The following FAIM2 variants were observed in gnomAD, a reference collection of about 807,000 sequenced individuals.
FAIM2 encodes protein lifeguard 2.
In FAIM2, 27 loss-of-function variants were observed where a neutral mutation model predicts 47.4. That is an observed-to-expected ratio of 0.57 (90% CI 0.42 to 0.78). The LOEUF is 0.78. FAIM2 is among the 30% of genes least tolerant of loss of function. The probability of loss-of-function intolerance (pLI) is 0.00; values close to 1 mark genes in which losing one functional copy is unlikely to be tolerated. For missense variants in FAIM2, 311 were observed against 389.4 expected (o/e 0.80, Z 1.69); for synonymous variants, 156 against 159.3 (o/e 0.98, Z 0.16).
chr12:49,896,593 C>A (rs1453975285), intron 5 of FAIM2, among the ~76,000 whole-genome samples: 1 of 152,110 alleles, frequency 6.6e-6, no homozygotes, highest in Non-Finnish European at 1.5e-5. Context: ...GCACACAGAA[C>A]AATACCCAGC....
chr12:49,872,375 GA>G (rs542084535), intron 11 of FAIM2, among the ~76,000 whole-genome samples: 36 of 152,318 alleles, frequency 2.4e-4, no homozygotes, highest in Admixed American at 2.3e-3. Flanking sequence ...GAAGAGTGGG[GA>G]ACTCGGTGAG....
chr12:49,882,137 C>T (rs1208694088), intron 11 of FAIM2, among the ~76,000 whole-genome samples: 2 of 152,234 alleles, frequency 1.3e-5, no homozygotes, highest in Non-Finnish European at 2.9e-5. Context: ...CCAGGGACAC[C>T]TGCATGCAGT....
At chr12:49,902,541 G>A (rs1946988488) in intron 1 of FAIM2, among the ~76,000 whole-genome samples, 2 of 152,262 alleles carry the variant, frequency 1.3e-5, no homozygotes, top group South Asian at 2.1e-4. Context: ...GGGGACAAGG[G>A]GCAGAGGAGG....
chr12:49,898,765 C>T (rs1946960149), intron 2 of FAIM2, among the ~76,000 whole-genome samples: 1 of 152,124 alleles, frequency 6.6e-6, no homozygotes, highest in African/African-American at 2.4e-5. Context: ...TGAGCCCAAG[C>T]AATCCACCTG....
At chr12:49,885,641 T>C (rs1946855763) in intron 11 of FAIM2, among the ~76,000 whole-genome samples, 1 of 152,158 alleles carries the variant, frequency 6.6e-6, no homozygotes, top group Admixed American at 6.5e-5. Flanking sequence ...CTAGGTAGCC[T>C]GGGGTAAGCT....
rs1328112300 is a variant in FAIM2 at position 49,867,760 on chromosome 12, T to G, written c.*2744A>C. On this transcript the variant is annotated 3_prime_UTR_variant, in exon 12 of 12. Transcript: ENST00000320634. ...CTGCTCAGCTGCGGTTTCCTTAATC[T>G]TGCATTCCTGTTCCCCTGCCCTTCC... 6.6e-6 allele frequency: 1 copy of G among 152,448 alleles called. No individual in the cohort carries two copies. Among genetic ancestry groups the G allele is most frequent in the African/African-American group, 2.4e-5 (1 of 41,440 alleles). 9.4% of individuals were successfully genotyped at this position (152,448 alleles called of 1,614,324 possible). A position where few individuals can be genotyped will look rare whatever the true frequency, so the allele number is the denominator to read the frequency against.
At chr12:49,884,696 C>T (rs1000797742) in intron 11 of FAIM2, among the ~76,000 whole-genome samples, 4 of 152,216 alleles carry the variant, frequency 2.6e-5, no homozygotes, top group Admixed American at 2.0e-4. Flanking sequence ...TGTGCCAGGA[C>T]GGGCATGGTC....
At chr12:49,887,295 G>A (rs1376218966) in intron 11 of FAIM2, 91 bp downstream of exon 11, 1 of 1,188,420 alleles carries the variant, frequency 8.4e-7, no homozygotes, top group East Asian at 2.5e-5. Flanking sequence ...ATCCAGGGAA[G>A]AGGGCTGTGA....
chr12:49,896,787 C>T (rs1348139039), intron 5 of FAIM2, among the ~76,000 whole-genome samples: 1 of 152,196 alleles, frequency 6.6e-6, no homozygotes, highest in Non-Finnish European at 1.5e-5. Context: ...TCCCAATTTG[C>T]GCAGGCAGCA....
chr12:49,901,026 C>A (rs748973449), intron 2 of FAIM2, 104 bp downstream of exon 2: 54 of 877,484 alleles, frequency 6.2e-5, no homozygotes, highest in Non-Finnish European at 5.8e-5. Flanking sequence ...TTCATACAAC[C>A]ACACAGTGTA....
At chr12:49,899,674 T>C (rs1443656674) in intron 2 of FAIM2, among the ~76,000 whole-genome samples, 1 of 152,226 alleles carries the variant, frequency 6.6e-6, no homozygotes, top group Non-Finnish European at 1.5e-5. Flanking sequence ...AAGCCTTCCC[T>C]GACTGTTAGG....
chr12:49,889,895 G>A (rs1946887621), intron 8 of FAIM2, among the ~76,000 whole-genome samples: 1 of 152,064 alleles, frequency 6.6e-6, no homozygotes, highest in South Asian at 2.1e-4. Flanking sequence ...TTTGGGAGGA[G>A]CCACCTTGCT....
intron 5 of FAIM2, among the ~76,000 whole-genome samples, chr12:49,892,441 C>G (rs1185323539): frequency 6.6e-6 from 1 of 152,236 alleles, no homozygotes; most frequent in Non-Finnish European, 1.5e-5. Flanking sequence ...GCCCCCTCCT[C>G]CATCTTCCGA....
At position 49,885,151 on chromosome 12, in the gene FAIM2, C is replaced by G. The variant is rs76261295; in HGVS notation, c.801+2235G>C. 2.1e-3 allele frequency among the ~76,000 whole-genome samples: 326 copies of G among 152,294 alleles called. 1 individual carries two copies. Among genetic ancestry groups the G allele is most frequent in the African/African-American group, 7.3e-3 (303 of 41,562 alleles). ...TAAAGGGTGGAACAGAGGATGGGGA[C>G]TATTGTTATTATTCTAATAACACTA... On this transcript the variant is annotated intron_variant, in intron 11 of 11. Coordinates refer to ENST00000320634, the MANE Select transcript of FAIM2 (RefSeq NM_012306.4).
At chr12:49,893,054 A>G (rs297929) in intron 5 of FAIM2, among the ~76,000 whole-genome samples, 3,536 of 151,162 alleles carry the variant, frequency 0.023, 142 homozygotes, top group African/African-American at 0.081. Flanking sequence ...CCCCACTACC[A>G]CCCTTTGAGG....
chr12:49,873,828 C>T (rs1210872474), intron 11 of FAIM2, among the ~76,000 whole-genome samples: 1 of 152,226 alleles, frequency 6.6e-6, no homozygotes, highest in Non-Finnish European at 1.5e-5. Flanking sequence ...TCACTGCCAC[C>T]TGATGCCTGT....
chr12:49,882,778 C>T (rs557866185), intron 11 of FAIM2, among the ~76,000 whole-genome samples: 1 of 152,256 alleles, frequency 6.6e-6, no homozygotes, highest in East Asian at 1.9e-4. Context: ...TCTGTTCATG[C>T]CACAAACATC....
intron 7 of FAIM2, 147 bp from the exon 8 acceptor site, chr12:49,890,301 T>C (rs1946891509): frequency 1.4e-6 from 1 of 729,912 alleles, no homozygotes. Context: ...CTTTCGGGAG[T>C]CAGGCCTGGC....
At chr12:49,879,392 ATG>A (rs1174489969) in intron 11 of FAIM2, among the ~76,000 whole-genome samples, 2 of 136,794 alleles carry the variant, frequency 1.5e-5, no homozygotes, top group South Asian at 4.7e-4. Flanking sequence ...GTATGTGGGT[ATG>A]TGTCCATGTG....
Sources: allele counts gnomAD v4.1 joint callset (sites outside exome capture counted in the v4.1 genomes callset), GRCh38; gene constraint gnomAD v4.1.1; transcripts MANE v1.5; gene names NCBI Gene and HGNC (gene_info 2026-07-23, HGNC 2026-07-21).